The following RBPJ variants were observed in gnomAD, a reference collection of about 807,000 sequenced individuals.
The protein encoded by RBPJ is recombining binding protein suppressor of hairless.
Under a neutral mutation model 67.8 loss-of-function variants are expected in RBPJ, and 9 were observed. That is an observed-to-expected ratio of 0.13 (90% CI 0.08 to 0.23). The LOEUF (loss-of-function observed/expected upper bound fraction) is 0.23. Ranked by LOEUF, RBPJ falls within the 10% of genes least tolerant of loss-of-function variation. The pLI, the probability that RBPJ is intolerant of heterozygous loss-of-function variation, is 1.00. For missense variants in RBPJ, 305 were observed against 595.6 expected, an observed-to-expected ratio of 0.51 and a Z score of 5.08; for synonymous variants, 198 against 203.3, an observed-to-expected ratio of 0.97 and a Z score of 0.22.
At chr4:26,192,445 G>A (rs1386395377) in intron 1 of RBPJ, among the ~76,000 whole-genome samples, 1 of 152,172 alleles carries the variant, frequency 6.6e-6, no homozygotes, top group Non-Finnish European at 1.5e-5. Context: ...CAACACAGAT[G>A]TTGCTATTAA....
At chr4:26,234,777 C>T (rs535700383) in intron 1 of RBPJ, among the ~76,000 whole-genome samples, 12 of 152,136 alleles carry the variant, frequency 7.9e-5, no homozygotes, top group Non-Finnish European at 1.3e-4. Flanking sequence ...ACTGCAACCT[C>T]CTACTCCCTG....
At chr4:26,186,587 C>T (rs1717271171) in intron 1 of RBPJ, among the ~76,000 whole-genome samples, 1 of 152,132 alleles carries the variant, frequency 6.6e-6, no homozygotes, top group South Asian at 2.1e-4. Flanking sequence ...CTCTCTAAGA[C>T]AAACCAAGCA....
upstream of RBPJ, chr4:26,320,768 G>A: frequency 6.4e-7 from 1 of 1,554,534 alleles, no homozygotes; most frequent in South Asian, 1.2e-5. Context: ...TGGACCACAC[G>A]GAGGGCTCGC....
At chr4:26,415,001 C>CT (rs1734419629) in intron 3 of RBPJ, among the ~76,000 whole-genome samples, 2 of 152,192 alleles carry the variant, frequency 1.3e-5, no homozygotes, top group African/African-American at 4.8e-5. Flanking sequence ...GGACAATGCT[C>CT]TAACACAATT....
At chr4:26,165,560 G>A (rs1345697953) in intron 1 of RBPJ, among the ~76,000 whole-genome samples, 1 of 152,144 alleles carries the variant, frequency 6.6e-6, no homozygotes, top group Non-Finnish European at 1.5e-5. Context: ...ATCTGAATGA[G>A]GGAAGGGGGA....
chr4:26,420,932 G>T, intron 5 of RBPJ: 1 of 491,250 alleles, frequency 2.0e-6, no homozygotes, highest in Non-Finnish European at 3.6e-6. Flanking sequence ...GTTCCTTAAT[G>T]CTCCCAGGGA....
intron 1 of RBPJ, among the ~76,000 whole-genome samples, chr4:26,172,388 G>A (rs893279236): frequency 6.6e-6 from 1 of 152,168 alleles, no homozygotes; most frequent in Non-Finnish European, 1.5e-5. Context: ...TGTGGAAACA[G>A]GAACAGCATA....
chr4:26,182,157 A>G (rs952152142), intron 1 of RBPJ, among the ~76,000 whole-genome samples: 1 of 152,282 alleles, frequency 6.6e-6, no homozygotes, highest in African/African-American at 2.4e-5. Flanking sequence ...CCTGGTTAAC[A>G]CGGTGAAACC....
chr4:26,207,940 T>C (rs938981773), intron 1 of RBPJ, among the ~76,000 whole-genome samples: 1 of 152,150 alleles, frequency 6.6e-6, no homozygotes, highest in Non-Finnish European at 1.5e-5. Context: ...TATAGAACTT[T>C]CCAGTTTGCC....
At chr4:26,109,544 TGCCTGTCCACCTTC>T in the RBPJ span, among the ~76,000 whole-genome samples, 1 of 120,164 alleles carries the variant, frequency 8.3e-6, no homozygotes, top group Non-Finnish European at 1.7e-5. Flanking sequence ...ATAGCCACTG[TGCCTGTCCACCTTC>T]CTCTCTCTCT....
At chr4:26,414,539 G>C (rs547978623) in intron 3 of RBPJ, among the ~76,000 whole-genome samples, 3 of 152,096 alleles carry the variant, frequency 2.0e-5, no homozygotes, top group African/African-American at 7.2e-5. Flanking sequence ...TAGTTAATTC[G>C]AGTTTTCAGG....
At chr4:26,272,288 C>T (rs7655052) in intron 1 of RBPJ, among the ~76,000 whole-genome samples, 81,117 of 151,996 alleles carry the variant, frequency 0.53, 22,069 homozygotes, top group Admixed American at 0.61. Context: ...CACTACAGGC[C>T]GGGCATTGTG....
At chr4:26,251,472 C>A in intron 1 of RBPJ, among the ~76,000 whole-genome samples, 1 of 151,844 alleles carries the variant, frequency 6.6e-6, no homozygotes, top group Admixed American at 6.6e-5. Context: ...CCTGTGTCTA[C>A]TAAAATTACA....
Position 26,253,436 on chromosome 4 carries a change from C to G in RBPJ, c.-167+89822C>G, listed in dbSNP as rs984974737. ...ACGCCATTCTCCTAGCTCAGCCTCC[C>G]GAGTAGCTGGGACTACAGGCGCCCG... On this transcript the variant is annotated intron_variant, in intron 1 of 4. Coordinates refer to the RBPJ transcript ENST00000512351. Among the ~76,000 whole-genome samples the G allele has an allele frequency of 2.6e-4, 39 of 148,156 alleles. 1 individual carries two copies. The East Asian group carries it at 3.9e-3, about 15-fold the overall frequency.
intron 1 of RBPJ, among the ~76,000 whole-genome samples, chr4:26,217,883 C>G (rs548004300): frequency 6.6e-6 from 1 of 152,314 alleles, no homozygotes; most frequent in African/African-American, 2.4e-5. Flanking sequence ...GTAGCTCCTA[C>G]AGGGCTTCGC....
At chr4:26,231,664 G>A (rs1316459182) in intron 1 of RBPJ, among the ~76,000 whole-genome samples, 12 of 151,258 alleles carry the variant, frequency 7.9e-5, no homozygotes, top group East Asian at 5.9e-4. Flanking sequence ...TGCCCGTTTC[G>A]GCCTCCCAAA....
chr4:26,215,274 A>AGGGGACGACTACATC (rs1174307685), intron 1 of RBPJ, among the ~76,000 whole-genome samples: 1 of 83,848 alleles, frequency 1.2e-5, no homozygotes, highest in African/African-American at 6.5e-5. Context: ...GGAGGGAGGA[A>AGGGGACGACTACATC]AAAGAGAGAG....
At chr4:26,367,133 AAATT>A (rs1560298461) in intron 1 of RBPJ, among the ~76,000 whole-genome samples, 4 of 152,030 alleles carry the variant, frequency 2.6e-5, no homozygotes, top group African/African-American at 9.6e-5. Flanking sequence ...TCAAAAAAAT[AAATT>A]AATTAATAAA....
intron 1 of RBPJ, among the ~76,000 whole-genome samples, chr4:26,294,498 A>C (rs533741900): frequency 7.9e-5 from 12 of 152,094 alleles, no homozygotes; most frequent in African/African-American, 2.9e-4. Context: ...AGTGGAGTAG[A>C]GGTCGGGAGA....
Sources: allele counts gnomAD v4.1 joint callset (sites outside exome capture counted in the v4.1 genomes callset), GRCh38; gene constraint gnomAD v4.1.1; transcripts MANE v1.5; gene names NCBI Gene and HGNC (gene_info 2026-07-23, HGNC 2026-07-21).